The following METAP1 variants were observed in gnomAD, a reference collection of about 807,000 sequenced individuals.
METAP1 encodes methionine aminopeptidase 1.
A neutral mutation model predicts 53.8 loss-of-function variants in METAP1; 28 were observed. That is an observed-to-expected ratio of 0.52 (90% confidence interval 0.39 to 0.71). The LOEUF is 0.71. Ranked by LOEUF, METAP1 falls within the 30% of genes least tolerant of loss-of-function variation. METAP1 has a pLI of 0.00. For missense variants in METAP1, 389 were observed against 479.8 expected (o/e 0.81, Z 1.77); for synonymous variants, 181 against 165.7 (o/e 1.09, Z -0.71).
At position 99,035,388 on chromosome 4, in the gene METAP1, CTT is replaced by C; in HGVS notation, c.280-10_280-9del. On this transcript the variant is annotated splice_polypyrimidine_tract_variant and intron_variant, in intron 3 of 10. Coordinates refer to ENST00000296411, the MANE Select transcript of METAP1 (RefSeq NM_015143.3). ...TCGTTGGTAAATCAGTTTTAACTAACTTTGTTTTTAGATGCCAACAAGGCCAG... is the reference window on the plus strand; with the variant it reads ...TCGTTGGTAAATCAGTTTTAACTAACTGTTTTTAGATGCCAACAAGGCCAG... 1 of 1,538,116 alleles carries C rather than the reference CTT, an allele frequency of 6.5e-7. No homozygotes were observed. Among genetic ancestry groups the C allele is most frequent in the African/African-American group, 1.4e-5 (1 of 72,830 alleles).
chr4:99,061,653 T>A lies in METAP1; in HGVS notation c.*336T>A, dbSNP rs529898277. The A allele has an allele frequency of 1.6e-5, 3 of 183,426 alleles. No individual in the cohort carries two copies. The highest frequency in any genetic ancestry group is 3.4e-5 in the Non-Finnish European group (3 of 89,102). 11.4% of individuals were successfully genotyped at this position (183,426 alleles called of 1,614,324 possible). A position where few individuals can be genotyped will look rare whatever the true frequency, so the allele number is the denominator to read the frequency against. Reference sequence around the variant, plus strand: ...GAGCCATCTGCTTTCCAGGTGAACATTGGAAATGAGAATCTTTGAAACTTA... The same window carrying A: ...GAGCCATCTGCTTTCCAGGTGAACAATGGAAATGAGAATCTTTGAAACTTA... On this transcript the variant is annotated 3_prime_UTR_variant, in exon 11 of 11. Transcript: ENST00000296411.
At chr4:99,020,321 A>G (rs1724021295) in intron 1 of METAP1, among the ~76,000 whole-genome samples, 1 of 152,194 alleles carries the variant, frequency 6.6e-6, no homozygotes, top group Non-Finnish European at 1.5e-5. Flanking sequence ...TCATGAATCC[A>G]GTTGTACCCC....
rs750260867 is a variant in METAP1, at chr4:99,057,780, C to T, written c.959C>T (p.Ser320Leu). The T allele has an allele frequency of 8.1e-6, 13 of 1,595,262 alleles. No individual in the cohort carries two copies. The East Asian group carries it at 9.0e-5, about 11-fold the overall frequency. The change falls in exon 10 of 11, where the codon TCG (serine) becomes TTG (leucine). Residue 320 changes from serine to leucine, a missense_variant. By Grantham distance (145) the Ser-to-Leu change is moderately radical. Transcript: ENST00000296411. ...AATAAAGCAGTTGGAGTGATGAAGT[C>T]GGGCCATGTATTTACAATTGAGCCA... ...AKNKAVGVMK[S>L]GHVFTIEPMI... is the part of the protein sequence containing the mutation.
intron 2 of METAP1, 58 bp downstream of exon 2, chr4:99,028,976 A>G (rs1724790036): frequency 8.6e-7 from 1 of 1,160,204 alleles, no homozygotes; most frequent in African/African-American, 1.5e-5. Flanking sequence ...TTGTGCCAGA[A>G]AACAAGAATT....
intron 7 of METAP1, among the ~76,000 whole-genome samples, chr4:99,044,739 A>T (rs1726100756): frequency 6.6e-6 from 1 of 152,182 alleles, no homozygotes; most frequent in South Asian, 2.1e-4. Context: ...AATGAGTTTT[A>T]AAAAAACAGG....
At chr4:99,035,251 A>G in intron 3 of METAP1, 149 bp from the exon 4 acceptor site, 1 of 608,862 alleles carries the variant, frequency 1.6e-6, no homozygotes, top group Non-Finnish European at 2.9e-6. Flanking sequence ...CCACTAGGAA[A>G]AGTAAAGCAT....
intron 1 of METAP1, chr4:99,023,153 G>A (rs775745282): frequency 5.6e-6 from 4 of 716,464 alleles, no homozygotes; most frequent in African/African-American, 1.8e-5. Flanking sequence ...CGAGCAGCAC[G>A]ACCTAATTTC....
intron 9 of METAP1, among the ~76,000 whole-genome samples, chr4:99,050,868 G>A (rs1029083568): frequency 3.3e-5 from 5 of 152,098 alleles, no homozygotes; most frequent in Non-Finnish European, 7.4e-5. Context: ...CTACAAAACC[G>A]GTCCCTAGTG....
chr4:99,040,493 A>G (rs978916958), intron 5 of METAP1, among the ~76,000 whole-genome samples: 1 of 148,994 alleles, frequency 6.7e-6, no homozygotes, highest in Non-Finnish European at 1.5e-5. Flanking sequence ...TTTTTGAGAC[A>G]GGGTCTTGCT....
intron 1 of METAP1, among the ~76,000 whole-genome samples, chr4:99,003,772 A>G (rs908381735): frequency 2.0e-5 from 3 of 152,150 alleles, no homozygotes; most frequent in African/African-American, 7.2e-5. Flanking sequence ...TCTGTAACCA[A>G]ACCTATGGGG....
chr4:99,004,684 G>A (rs1723097676), intron 1 of METAP1, among the ~76,000 whole-genome samples: 1 of 152,010 alleles, frequency 6.6e-6, no homozygotes, highest in Non-Finnish European at 1.5e-5. Context: ...TGAATTTTGT[G>A]TTTATCATTC....
chr4:99,014,548 G>C (rs1365308427), intron 1 of METAP1, among the ~76,000 whole-genome samples: 1 of 152,152 alleles, frequency 6.6e-6, no homozygotes, highest in Non-Finnish European at 1.5e-5. Context: ...GAGTCTAGCA[G>C]CTATCTGATC....
intron 10 of METAP1, 93 bp from the exon 11 acceptor site, chr4:99,061,061 G>A: frequency 7.6e-7 from 1 of 1,311,760 alleles, no homozygotes; most frequent in Non-Finnish European, 1.1e-6. Flanking sequence ...TGTAAATAAG[G>A]ATCTTAGTAG....
chr4:99,057,704 G>A (rs367946836), intron 9 of METAP1, 49 bp from the exon 10 acceptor site: 19 of 1,399,168 alleles, frequency 1.4e-5, no homozygotes, highest in Non-Finnish European at 1.7e-5. Flanking sequence ...CTGTTCAACA[G>A]TACACTGTTG....
intron 10 of METAP1, among the ~76,000 whole-genome samples, chr4:99,060,053 C>T (rs942482315): frequency 6.6e-6 from 1 of 152,082 alleles, no homozygotes; most frequent in Non-Finnish European, 1.5e-5. Context: ...TTGTCAGATG[C>T]CCAAGTTATA....
intron 9 of METAP1, among the ~76,000 whole-genome samples, 200 bp downstream of exon 9, chr4:99,049,076 G>C (rs1467907312): frequency 6.6e-6 from 1 of 152,196 alleles, no homozygotes; most frequent in Non-Finnish European, 1.5e-5. Flanking sequence ...AGGTGTGTTT[G>C]GTCACTGTGG....
intron 4 of METAP1, among the ~76,000 whole-genome samples, chr4:99,036,462 C>G (rs1309725144): frequency 6.6e-6 from 1 of 152,064 alleles, no homozygotes; most frequent in South Asian, 2.1e-4. Context: ...AAATGTTATG[C>G]AGTGAAAGTA....
chr4:99,022,913 A>C (rs538140653), intron 1 of METAP1: 1 of 1,503,196 alleles, frequency 6.7e-7, no homozygotes, highest in South Asian at 1.2e-5. Flanking sequence ...GAAAGAACGC[A>C]TCTGACCTCA....
At chr4:99,056,684 C>T (rs890711809) in intron 9 of METAP1, among the ~76,000 whole-genome samples, 1 of 151,858 alleles carries the variant, frequency 6.6e-6, no homozygotes, top group African/African-American at 2.4e-5. Context: ...CATTCTCCTG[C>T]CTCAGCCTCC....
Sources: gnomAD v4.1 joint callset for allele counts (sites outside exome capture counted in the v4.1 genomes callset) on GRCh38, gnomAD v4.1.1 for gene constraint, MANE v1.5 for transcripts, NCBI Gene and HGNC (gene_info 2026-07-23, HGNC 2026-07-21) for gene names.